Variants in IQCB1 observed in about 807,000 individuals in gnomAD.
IQCB1 encodes the protein IQ calmodulin-binding motif-containing protein 1.
IQCB1 carries 56 observed loss-of-function variants against 84.4 expected under a neutral mutation model. The ratio of observed to expected loss-of-function variants is 0.66; its 90% CI spans 0.54 to 0.83. IQCB1 has a LOEUF of 0.83. IQCB1 is among the 40% of genes least tolerant of loss of function. The pLI is 0.00. For synonymous variants in IQCB1, 210 were observed against 234.8 expected, an observed-to-expected ratio of 0.89 and a Z score of 0.96; for missense variants, 629 against 682.1, an observed-to-expected ratio of 0.92 and a Z score of 0.87.
chr3:121,786,132 C>A (rs1356807624), intron 12 of IQCB1, among the ~76,000 whole-genome samples: 1 of 113,112 alleles, frequency 8.8e-6, no homozygotes, highest in Non-Finnish European at 1.8e-5. Flanking sequence ...GATTGCACCA[C>A]TGCACTCCAG....
chr3:121,790,032 C>G, intron 11 of IQCB1, 41 bp downstream of exon 11: 1 of 1,575,316 alleles, frequency 6.3e-7, no homozygotes, highest in East Asian at 2.2e-5. Context: ...AAAAGATAAC[C>G]TAAATATTCT....
intron 2 of IQCB1, 142 bp downstream of exon 2, chr3:121,834,249 C>T (rs1708127974): frequency 6.6e-6 from 1 of 152,168 alleles, no homozygotes; most frequent in South Asian, 2.1e-4. Context: ...GCGTAATTAC[C>T]CTGAAAAACC....
rs1200389585 is a variant in IQCB1, at chr3:121,777,075, ATT to A, written c.1411-4364_1411-4363del. Among the ~76,000 whole-genome samples the A allele has an allele frequency of 3.3e-5, 5 of 152,296 alleles. No individual in the cohort carries two copies. In the East Asian group the frequency reaches 9.6e-4, roughly 29 times the overall value. On this transcript the variant is annotated intron_variant, in intron 13 of 14. Coordinates refer to ENST00000310864, the MANE Select transcript of IQCB1 (RefSeq NM_001023570.4). ...TCAAGAAAGGTCACAATATTTCTCC[ATT>A]GTTTCCTTTTAGAAGTTTTATAGTT...
At chr3:121,808,518 A>G (rs1949694550) in intron 6 of IQCB1, among the ~76,000 whole-genome samples, 2 of 151,972 alleles carry the variant, frequency 1.3e-5, no homozygotes, top group Non-Finnish European at 2.9e-5. Flanking sequence ...TCTTACTTGG[A>G]TAGTTAGACT....
At chr3:121,776,378 A>G (rs1476995436) in intron 13 of IQCB1, among the ~76,000 whole-genome samples, 2 of 152,198 alleles carry the variant, frequency 1.3e-5, no homozygotes, top group Non-Finnish European at 2.9e-5. Context: ...CTAGGAGTAG[A>G]ATGGCTGAAT....
At chr3:121,781,632 TACACACACACAC>T (rs57816005) in intron 13 of IQCB1, 99 bp downstream of exon 13, 66 of 820,764 alleles carry the variant, frequency 8.0e-5, no homozygotes, top group Middle Eastern at 2.8e-4. Context: ...GCAATAAATG[TACACACACACAC>T]ACACACACAC....
chr3:121,829,254 C>A (rs538031246), intron 2 of IQCB1, among the ~76,000 whole-genome samples: 21 of 152,298 alleles, frequency 1.4e-4, no homozygotes, highest in African/African-American at 4.6e-4. Context: ...GCTTCACATT[C>A]TCTCTCTAAT....
chr3:121,820,212 G>A (rs1222664522), intron 5 of IQCB1, among the ~76,000 whole-genome samples: 3 of 152,138 alleles, frequency 2.0e-5, no homozygotes, highest in East Asian at 3.8e-4. Context: ...CAGACCATGA[G>A]GCCATGTACT....
At position 121,772,600 on chromosome 3, in the gene IQCB1, T is replaced by TTC. The variant is rs587783011; in HGVS notation, c.1522_1523dup (p.Ala509LysfsTer3). The TTC allele has an allele frequency of 3.1e-6, 5 of 1,614,246 alleles. No homozygotes were observed. The East Asian group carries it at 1.1e-4, about 36-fold the overall frequency. On this transcript the variant is annotated frameshift_variant, in exon 14 of 15. Coordinates refer to ENST00000310864, the MANE Select transcript of IQCB1 (RefSeq NM_001023570.4). LOFTEE classifies it high-confidence loss of function. The stretch of plus-strand genomic sequence containing the variant: ...TGGTGCTGATCTGTGCTATCAGAGC[T>TTC]TCTCTGTGCTGCTGGGCTCGCTCTT...
chr3:121,830,614 T>C (rs1950605943), intron 2 of IQCB1, among the ~76,000 whole-genome samples: 1 of 152,212 alleles, frequency 6.6e-6, no homozygotes, highest in Non-Finnish European at 1.5e-5. Flanking sequence ...TATATACATA[T>C]ACATATATAT....
At chr3:121,809,335 C>G (rs1362507084) in intron 5 of IQCB1, among the ~76,000 whole-genome samples, 1 of 151,978 alleles carries the variant, frequency 6.6e-6, no homozygotes, top group Non-Finnish European at 1.5e-5. Flanking sequence ...CATCTATGCA[C>G]AAGCTTTAGT....
chr3:121,794,954 A>G (rs1949120240), intron 10 of IQCB1, among the ~76,000 whole-genome samples: 1 of 152,026 alleles, frequency 6.6e-6, no homozygotes, highest in Admixed American at 6.5e-5. Context: ...GAGGATCTGG[A>G]TTGGTTAAGT....
At chr3:121,808,505 T>TA (rs1258910165) in intron 6 of IQCB1, among the ~76,000 whole-genome samples, 1 of 151,954 alleles carries the variant, frequency 6.6e-6, no homozygotes, top group Non-Finnish European at 1.5e-5. Flanking sequence ...AATAAAAGCT[T>TA]ACTCTTACTT....
chr3:121,770,466 T>TGC lies in IQCB1; in HGVS notation c.1674_1675dup (p.His559ArgfsTer28). On this transcript the variant is annotated frameshift_variant, in exon 15 of 15. Transcript: ENST00000310864. LOFTEE classifies it high-confidence loss of function. ...CTTCTTCCACCAGGGTGCTTGTATG[T>TGC]GCTTCAGGGTTGTGAGATGGGCCTG... The TGC allele has an allele frequency of 6.2e-7, 1 of 1,614,240 alleles. No homozygotes were observed. The highest frequency in any genetic ancestry group is 1.3e-5 in the African/African-American group (1 of 75,074).
intron 7 of IQCB1, among the ~76,000 whole-genome samples, chr3:121,806,908 T>C (rs934115326): frequency 1.3e-5 from 2 of 152,074 alleles, no homozygotes; most frequent in African/African-American, 2.4e-5. Context: ...TAATTGCCAA[T>C]TGCTTCTTTT....
chr3:121,780,401 C>G (rs1948422310), intron 13 of IQCB1, among the ~76,000 whole-genome samples: 1 of 152,048 alleles, frequency 6.6e-6, no homozygotes, highest in Non-Finnish European at 1.5e-5. Flanking sequence ...AAATCTAGTC[C>G]CTGTTACTCC....
chr3:121,789,000 G>A (rs756645084), intron 11 of IQCB1, among the ~76,000 whole-genome samples: 45 of 152,142 alleles, frequency 3.0e-4, no homozygotes, highest in Admixed American at 4.6e-4. Flanking sequence ...TGGATACGGA[G>A]GTAAAAGAGG....
At chr3:121,789,431 C>T (rs1948867321) in intron 11 of IQCB1, among the ~76,000 whole-genome samples, 1 of 152,060 alleles carries the variant, frequency 6.6e-6, no homozygotes, top group Admixed American at 6.6e-5. Flanking sequence ...TGAGACTGCT[C>T]AGCACTCAGC....
chr3:121,803,641 T>C (rs1383577459), intron 7 of IQCB1, among the ~76,000 whole-genome samples: 1 of 152,230 alleles, frequency 6.6e-6, no homozygotes, highest in Admixed American at 6.5e-5. Flanking sequence ...TTTAAAACTC[T>C]ATTAGGTCAA....
Sources: allele counts gnomAD v4.1 joint callset (sites outside exome capture counted in the v4.1 genomes callset), GRCh38; gene constraint gnomAD v4.1.1; transcripts MANE v1.5; gene names NCBI Gene and HGNC (gene_info 2026-07-23, HGNC 2026-07-21).